The following CECR2 variants were observed in gnomAD, a reference collection of about 807,000 sequenced individuals.
The protein encoded by CECR2 is chromatin remodeling regulator CECR2.
Under a neutral mutation model 154.5 loss-of-function variants are expected in CECR2, and 30 were observed. The observed-to-expected ratio is 0.19, with a 90% CI of 0.15 to 0.26. CECR2 has a LOEUF of 0.26. Among genes scored for constraint, CECR2 ranks in the 10% least tolerant of loss-of-function variants. The probability of loss-of-function intolerance (pLI) is 1.00; values close to 1 mark genes in which losing one functional copy is unlikely to be tolerated. For synonymous variants in CECR2, 725 were observed against 683.7 expected (o/e 1.06, Z -0.94); for missense variants, 1,743 against 1,829.3 (o/e 0.95, Z 0.86).
chr22:17,462,037 C>A (rs1014021892), intron 1 of CECR2, among the ~76,000 whole-genome samples: 1 of 151,906 alleles, frequency 6.6e-6, no homozygotes, highest in Non-Finnish European at 1.5e-5. Context: ...GTGGTCCACC[C>A]GCCTTGGCCT....
At chr22:17,514,979 C>T (rs1308457464) in intron 8 of CECR2, among the ~76,000 whole-genome samples, 1 of 149,202 alleles carries the variant, frequency 6.7e-6, no homozygotes, top group Non-Finnish European at 1.5e-5. Context: ...GCCAAGATCG[C>T]ACCACTGCAC....
At chr22:17,419,546 A>AG (rs1569070673) in intron 1 of CECR2, 53 of 196,558 alleles carry the variant, frequency 2.7e-4, no homozygotes, top group African/African-American at 2.4e-3. Context: ...AGGAAGAGGA[A>AG]GAGGAGGAGG....
intron 1 of CECR2, among the ~76,000 whole-genome samples, chr22:17,434,773 C>T (rs763942733): frequency 1.3e-5 from 2 of 151,978 alleles, no homozygotes; most frequent in South Asian, 4.2e-4. Context: ...TACTGCTGTT[C>T]AGAATAAAGG....
chr22:17,417,690 C>T (rs1601322416), intron 1 of CECR2, among the ~76,000 whole-genome samples: 1 of 152,192 alleles, frequency 6.6e-6, no homozygotes, highest in Non-Finnish European at 1.5e-5. Flanking sequence ...GTGATCTTGG[C>T]TCACTGCAAC....
At chr22:17,389,051 T>A (rs1311479677) in intron 1 of CECR2, among the ~76,000 whole-genome samples, 1 of 152,132 alleles carries the variant, frequency 6.6e-6, no homozygotes, top group African/African-American at 2.4e-5. Context: ...TGAATTCAAG[T>A]GATCCACCCT....
At chr22:17,500,828 A>G (rs2055724739) in intron 5 of CECR2, 93 bp downstream of exon 5, 1 of 900,962 alleles carries the variant, frequency 1.1e-6, no homozygotes, top group Non-Finnish European at 1.7e-6. Flanking sequence ...GTGCCATGGG[A>G]AGCACATTAT....
chr22:17,367,691 C>G (rs2063009588), upstream of CECR2, among the ~76,000 whole-genome samples: 1 of 151,276 alleles, frequency 6.6e-6, no homozygotes, highest in Non-Finnish European at 1.5e-5. Context: ...CCGGCCAACT[C>G]ACACAGAGGA....
Position 17,449,483 on chromosome 22 carries a change from C to CTTTTTTTTTT in CECR2, c.127-28090_127-28081dup, listed in dbSNP as rs35473694. 5.6e-5 allele frequency among the ~76,000 whole-genome samples: 4 copies of CTTTTTTTTTT among 71,462 alleles called. 1 individual carries two copies. Among genetic ancestry groups the CTTTTTTTTTT allele is most frequent in the African/African-American group, 2.4e-4 (4 of 16,962 alleles). The allele number at this position is 71,462 out of a possible 152,430, so 46.9% of individuals were successfully genotyped here. A position where few individuals can be genotyped will look rare whatever the true frequency, so the allele number is the denominator to read the frequency against. On this transcript the variant is annotated intron_variant, in intron 1 of 18. Coordinates refer to ENST00000262608, the MANE Select transcript of CECR2 (RefSeq NM_001290047.2). ...CCGCACATCTAATTGGTAACCAGTT[C>CTTTTTTTTTT]TTTTTTTTTTTTTTTTTTTTTTTTG...
chr22:17,386,921 G>T (rs962510276), intron 1 of CECR2, among the ~76,000 whole-genome samples: 2 of 152,282 alleles, frequency 1.3e-5, no homozygotes, highest in Admixed American at 6.5e-5. Context: ...ACAGTGCTGG[G>T]ATTACAGGTG....
intron 5 of CECR2, 49 bp downstream of exon 5, chr22:17,500,784 T>C (rs2055723873): frequency 3.2e-6 from 4 of 1,248,710 alleles, no homozygotes; most frequent in Non-Finnish European, 3.3e-6. Flanking sequence ...AGAAGGGACC[T>C]TAATTCATTT....
intron 1 of CECR2, among the ~76,000 whole-genome samples, chr22:17,394,223 T>TTTTA (rs1491106650): frequency 7.1e-6 from 1 of 140,722 alleles, no homozygotes; most frequent in African/African-American, 2.8e-5. Flanking sequence ...TTTTTTTTTT[T>TTTTA]AAGACGGTTT....
At chr22:17,507,035 A>T (rs1443547950) in intron 7 of CECR2, among the ~76,000 whole-genome samples, 1 of 152,216 alleles carries the variant, frequency 6.6e-6, no homozygotes, top group Non-Finnish European at 1.5e-5. Flanking sequence ...CTGATTATTG[A>T]TACATGTTAA....
At chr22:17,379,426 T>G (rs544562210) in intron 1 of CECR2, among the ~76,000 whole-genome samples, 23 of 150,148 alleles carry the variant, frequency 1.5e-4, no homozygotes, top group Admixed American at 9.3e-4. Flanking sequence ...GGAGGAGGGG[T>G]GAGGGGTGTT....
chr22:17,493,011 G>T (rs537706438), intron 2 of CECR2, among the ~76,000 whole-genome samples: 7 of 151,668 alleles, frequency 4.6e-5, no homozygotes, highest in Non-Finnish European at 8.8e-5. Flanking sequence ...TGGCTCTGTC[G>T]CCCAGGCTGG....
rs1233805261 is a variant in CECR2, at chr22:17,423,816, C to T, written c.127-53772C>T. 3.9e-5 allele frequency among the ~76,000 whole-genome samples: 6 copies of T among 152,126 alleles called. No homozygotes were observed. In the South Asian group the frequency reaches 6.2e-4, roughly 16 times the overall value. On this transcript the variant is annotated intron_variant, in intron 1 of 18. Coordinates refer to ENST00000262608, the MANE Select transcript of CECR2 (RefSeq NM_001290047.2). ...TGGGGCACTGTGATTTGCCTTGTGA[C>T]GTCATCTCTTTGAGGAATCTGAGAA...
intron 8 of CECR2, among the ~76,000 whole-genome samples, chr22:17,521,049 TCCCA>T (rs1204974543): frequency 6.6e-6 from 1 of 152,144 alleles, no homozygotes; most frequent in African/African-American, 2.4e-5. Flanking sequence ...CAGTTTACAC[TCCCA>T]CCAACAGCGT....
chr22:17,370,312 C>T (rs1391162212), intron 1 of CECR2, among the ~76,000 whole-genome samples: 5 of 135,962 alleles, frequency 3.7e-5, no homozygotes, highest in Non-Finnish European at 6.2e-5. Context: ...TCCGGCGGGG[C>T]CGGGCGCGGG....
intron 1 of CECR2, among the ~76,000 whole-genome samples, chr22:17,362,152 C>T (rs771616021): frequency 2.0e-5 from 3 of 152,168 alleles, no homozygotes; most frequent in South Asian, 2.1e-4. Flanking sequence ...AAGCAATTAT[C>T]GTGCCTCAGC....
At chr22:17,386,773 C>T (rs1372729344) in intron 1 of CECR2, among the ~76,000 whole-genome samples, 1 of 151,998 alleles carries the variant, frequency 6.6e-6, no homozygotes, top group South Asian at 2.1e-4. Context: ...GTCTCAGCCT[C>T]CCAAGTAGCT....
Sources: gnomAD v4.1 joint callset for allele counts (sites outside exome capture counted in the v4.1 genomes callset) on GRCh38, gnomAD v4.1.1 for gene constraint, MANE v1.5 for transcripts, NCBI Gene and HGNC (gene_info 2026-07-23, HGNC 2026-07-21) for gene names.